MINAR2: variants seen among roughly 807,000 people sequenced by gnomAD.
MINAR2 encodes the protein major intrinsically disordered NOTCH2-binding receptor 1-like.
A neutral mutation model predicts 16.1 loss-of-function variants in MINAR2; 21 were observed. The ratio of observed to expected loss-of-function variants is 1.31; its 90% CI spans 0.93 to 1.88. MINAR2 has a LOEUF of 1.88. Among genes scored for constraint, MINAR2 ranks in the 40% most tolerant of loss-of-function variants. MINAR2 has a pLI of 0.00. For synonymous variants in MINAR2, 86 were observed against 83.0 expected, an observed-to-expected ratio of 1.04 and a Z score of -0.20; for missense variants, 259 against 229.8, an observed-to-expected ratio of 1.13 and a Z score of -0.82.
chr5:129,756,934 T>TAAA (rs34547893), intron 1 of MINAR2, among the ~76,000 whole-genome samples: 68 of 73,868 alleles, frequency 9.2e-4, no homozygotes, highest in Non-Finnish European at 1.2e-3. Context: ...CTTTCCACAG[T>TAAA]AAAAAAAAAA....
At chr5:129,758,677 A>T (rs1758086290) in intron 1 of MINAR2, among the ~76,000 whole-genome samples, 1 of 152,000 alleles carries the variant, frequency 6.6e-6, no homozygotes, top group Non-Finnish European at 1.5e-5. Flanking sequence ...ACAATCTGAC[A>T]AAGCCAATTT....
intron 1 of MINAR2, 103 bp downstream of exon 1, chr5:129,748,458 C>T: frequency 8.5e-7 from 1 of 1,171,954 alleles, no homozygotes; most frequent in Admixed American, 2.8e-5. Flanking sequence ...GAACAGAGTA[C>T]AAGGTAGCTG....
chr5:129,762,857 T>C (rs1758155749), intron 2 of MINAR2, among the ~76,000 whole-genome samples: 1 of 152,082 alleles, frequency 6.6e-6, no homozygotes, highest in Admixed American at 6.6e-5. Flanking sequence ...GCTTGAAGGA[T>C]GTATAGAATT....
At chr5:129,758,943 ATT>A (rs1758090057) in intron 1 of MINAR2, among the ~76,000 whole-genome samples, 1 of 152,024 alleles carries the variant, frequency 6.6e-6, no homozygotes, top group Non-Finnish European at 1.5e-5. Context: ...CCAAGGACCT[ATT>A]AAACTCAGAG....
At chr5:129,763,947 TA>T (rs1004145953) in intron 2 of MINAR2, among the ~76,000 whole-genome samples, 6 of 152,128 alleles carry the variant, frequency 3.9e-5, no homozygotes, top group Non-Finnish European at 8.8e-5. Flanking sequence ...TGTAAGCCAT[TA>T]CAATAAAGCA....
In MINAR2 at chr5:129,750,440, G is replaced by A. The variant is rs1478836880; in HGVS notation, c.165+2085G>A. On this transcript the variant is annotated intron_variant, in intron 1 of 2. Transcript: ENST00000564719. Reference sequence around the variant, plus strand: ...TCAGTAAGTCAATGGGAAGAACATGGAATAAAGAAGTTAGAAACTTGGTTT... The same window carrying A: ...TCAGTAAGTCAATGGGAAGAACATGAAATAAAGAAGTTAGAAACTTGGTTT... Among the ~76,000 whole-genome samples, 5 of 152,244 alleles carry A rather than the reference G, an allele frequency of 3.3e-5. No homozygotes were observed. The East Asian group carries it at 9.7e-4, about 29-fold the overall frequency.
intron 1 of MINAR2, among the ~76,000 whole-genome samples, chr5:129,756,782 T>C (rs1758059085): frequency 6.6e-6 from 1 of 151,822 alleles, no homozygotes; most frequent in African/African-American, 2.4e-5. Context: ...TTACTAATGT[T>C]AACTAACTTT....
chr5:129,757,760 A>G (rs1195477184), intron 1 of MINAR2, among the ~76,000 whole-genome samples: 2 of 151,918 alleles, frequency 1.3e-5, no homozygotes, highest in African/African-American at 4.8e-5. Context: ...ACTCCAGTGT[A>G]TTCATTTCTC....
chr5:129,758,439 A>G (rs536609939), intron 1 of MINAR2, among the ~76,000 whole-genome samples: 3 of 152,076 alleles, frequency 2.0e-5, no homozygotes, highest in Admixed American at 6.6e-5. Context: ...AATAAATAGC[A>G]CTATGCTCTA....
intron 1 of MINAR2, among the ~76,000 whole-genome samples, chr5:129,748,906 G>A (rs576719542): frequency 1.3e-5 from 2 of 152,284 alleles, no homozygotes; most frequent in East Asian, 3.9e-4. Context: ...AAAAGTGCTA[G>A]CTATTACTGT....
chr5:129,755,824 T>C (rs1581290286), intron 1 of MINAR2, among the ~76,000 whole-genome samples: 1 of 152,118 alleles, frequency 6.6e-6, no homozygotes, highest in African/African-American at 2.4e-5. Flanking sequence ...TGATTCTGTC[T>C]TTACATTTAT....
chr5:129,760,539 C>T lies in MINAR2; in HGVS notation c.327C>T (p.Asn109=), dbSNP rs182114262. The T allele has an allele frequency of 6.5e-7, 1 of 1,535,536 alleles. No homozygotes were observed. Among genetic ancestry groups the T allele is most frequent in the Non-Finnish European group, 8.7e-7 (1 of 1,146,542 alleles). ...LEEAMEERKK[N]PSWTIEEYDK... is the part of the protein sequence containing the mutation. ...AAGCTATGGAAGAAAGAAAAAAGAA[C>T]CCCTCATGGACCATTGAGGAATATG... The change falls in exon 2 of 3, where the codon AAC becomes AAT. Residue 109 remains asparagine, a synonymous_variant. Transcript: ENST00000564719.
intron 1 of MINAR2, among the ~76,000 whole-genome samples, chr5:129,755,120 G>C (rs1758038834): frequency 6.6e-6 from 1 of 151,768 alleles, no homozygotes; most frequent in South Asian, 2.1e-4. Context: ...TTTTTTTCCT[G>C]TTAATGTGGT....
At position 129,748,208 on chromosome 5, in the gene MINAR2, G is replaced by T. The variant is rs1757939795; in HGVS notation, c.18G>T (p.Leu6Phe). The change falls in exon 1 of 3, where the codon TTG becomes TTT. Residue 6 changes from leucine to phenylalanine, a missense_variant. Leu to Phe is a conservative substitution (Grantham distance 22). Coordinates refer to ENST00000564719, the MANE Select transcript of MINAR2 (RefSeq NM_001257308.2). ...AGGGAGACATGGATCTCTCTGTTTT[G>T]CCAAATAACAACCATCCTGACAAAT... is the stretch of plus-strand genomic sequence containing the variant. MDLSV[L>F]PNNNHPDKFL... 1 of 1,534,892 alleles carries T rather than the reference G, an allele frequency of 6.5e-7. No individual in the cohort carries two copies. The highest frequency in any genetic ancestry group is 8.7e-7 in the Non-Finnish European group (1 of 1,146,448).
In MINAR2 at chr5:129,765,128, C is replaced by T. The variant is rs1275210344; in HGVS notation, c.*65C>T. 10 of 792,108 alleles carry T rather than the reference C, an allele frequency of 1.3e-5. No individual in the cohort carries two copies. The highest frequency in any genetic ancestry group is 1.6e-5 in the Non-Finnish European group (10 of 621,352). 49.1% of individuals were successfully genotyped at this position (792,108 alleles called of 1,614,324 possible). A position where few individuals can be genotyped will look rare whatever the true frequency, so the allele number is the denominator to read the frequency against. Reference sequence around the variant, plus strand: ...AATTTTTCTGATAAACATTTGAAACCCCCCCCACCAAAATAACAAAAAAAC... The same window carrying T: ...AATTTTTCTGATAAACATTTGAAACTCCCCCCACCAAAATAACAAAAAAAC... On this transcript the variant is annotated 3_prime_UTR_variant, in exon 3 of 3. Transcript: ENST00000564719.
chr5:129,761,330 T>C (rs1051281778), intron 2 of MINAR2, among the ~76,000 whole-genome samples: 17 of 152,174 alleles, frequency 1.1e-4, no homozygotes, highest in African/African-American at 4.1e-4. Context: ...CCACCTGCCC[T>C]AGGCCAGGAA....
chr5:129,761,980 CAG>C (rs1758141704), intron 2 of MINAR2, among the ~76,000 whole-genome samples: 1 of 151,718 alleles, frequency 6.6e-6, no homozygotes, highest in Non-Finnish European at 1.5e-5. Context: ...CACATGGACA[CAG>C]GGAGGGGAAC....
At chr5:129,760,640 T>TCTCCCTTATCAGTTG in intron 2 of MINAR2, 35 bp downstream of exon 2, 2 of 1,428,342 alleles carry the variant, frequency 1.4e-6, no homozygotes, top group Non-Finnish European at 1.9e-6. Context: ...CTTCAACTGA[T>TCTCCCTTATCAGTTG]AAGGGAGATC....
intron 2 of MINAR2, among the ~76,000 whole-genome samples, chr5:129,764,646 A>T (rs1410485802): frequency 6.6e-6 from 1 of 152,214 alleles, no homozygotes; most frequent in East Asian, 1.9e-4. Flanking sequence ...ATTCTGATGC[A>T]GACCTACAAA....
Sources: gnomAD v4.1 joint callset for allele counts (sites outside exome capture counted in the v4.1 genomes callset) on GRCh38, gnomAD v4.1.1 for gene constraint, MANE v1.5 for transcripts, NCBI Gene and HGNC (gene_info 2026-07-23, HGNC 2026-07-21) for gene names.